Variants in LTBP4 observed in about 807,000 individuals in gnomAD.
The protein encoded by LTBP4 is latent-transforming growth factor beta-binding protein 4.
In LTBP4, 93 loss-of-function variants were observed where a neutral mutation model predicts 180.2. That is an observed-to-expected ratio of 0.52 (90% confidence interval 0.44 to 0.61). The LOEUF is 0.61. LTBP4 is among the 20% of genes least tolerant of loss of function. The pLI, the probability that LTBP4 is intolerant of heterozygous loss-of-function variation, is 0.00. For synonymous variants in LTBP4, 947 were observed against 934.5 expected (o/e 1.01, Z -0.24); for missense variants, 2,116 against 2,256.5 (o/e 0.94, Z 1.26).
intron 29 of LTBP4, among the ~76,000 whole-genome samples, chr19:40,628,952 C>G (rs1184168982): frequency 1.3e-5 from 2 of 151,790 alleles, no homozygotes; most frequent in East Asian, 3.9e-4. Flanking sequence ...CAGGTTCAAG[C>G]GATTCTCCTG....
intron 6 of LTBP4, 86 bp from the exon 7 acceptor site, chr19:40,607,279 C>CCCCCCAACCA: frequency 1.8e-6 from 2 of 1,126,376 alleles, no homozygotes; most frequent in Non-Finnish European, 2.5e-6. Flanking sequence ...CCCCCAACCC[C>CCCCCCAACCA]AGAACCATTC....
intron 27 of LTBP4, among the ~76,000 whole-genome samples, chr19:40,626,702 T>C (rs2081635864): frequency 6.6e-6 from 1 of 152,054 alleles, no homozygotes. Context: ...AACACCCCCA[T>C]CTAATTTCTT....
chr19:40,600,631 C>A (rs557414088), upstream of LTBP4, among the ~76,000 whole-genome samples: 2 of 152,114 alleles, frequency 1.3e-5, no homozygotes, highest in Non-Finnish European at 2.9e-5. This position sits in a 1 kb window ranked among gnomAD's most constrained non-coding sequence, Gnocchi z 4.4. Flanking sequence ...GTCTAGAACA[C>A]CCCTCATCTC....
At position 40,609,452 on chromosome 19, in the gene LTBP4, C is replaced by T; in HGVS notation, c.1427-78C>T. 1.9e-6 allele frequency: 3 copies of T among 1,569,170 alleles called. No homozygotes were observed. The highest frequency in any genetic ancestry group is 1.4e-5 in the African/African-American group (1 of 73,870). On this transcript the variant is annotated intron_variant, in intron 9 of 29. Transcript: ENST00000396819. This position sits in a 1 kb window ranked among gnomAD's most constrained non-coding sequence, Gnocchi z 4.9. ...CATGAAGGTGTTTTATGGATGTCTCCGGGGGTGGGGGTTTTACTGGGATGA... is the reference window on the plus strand; with the variant it reads ...CATGAAGGTGTTTTATGGATGTCTCTGGGGGTGGGGGTTTTACTGGGATGA...
intron 25 of LTBP4, 40 bp from the exon 26 acceptor site, chr19:40,623,896 G>C (rs1248137758): frequency 1.2e-6 from 2 of 1,610,266 alleles, no homozygotes; most frequent in Admixed American, 1.7e-5. Context: ...AAAGGGTGGG[G>C]AGAGTTGAAG....
chr19:40,626,102 C>G, intron 27 of LTBP4, 93 bp downstream of exon 27: 1 of 1,402,060 alleles, frequency 7.1e-7, no homozygotes, highest in Non-Finnish European at 9.5e-7. Flanking sequence ...CCCCCAGACT[C>G]TATCCAAACT....
Position 40,611,498 on chromosome 19 carries a change from G to A in LTBP4, c.2053+104G>A, listed in dbSNP as rs1468360558. 5 of 1,473,346 alleles carry A rather than the reference G, an allele frequency of 3.4e-6. No individual in the cohort carries two copies. Among genetic ancestry groups the A allele is most frequent in the Non-Finnish European group, 4.5e-6 (5 of 1,106,598 alleles). 91.3% of individuals were successfully genotyped at this position (1,473,346 alleles called of 1,614,324 possible). A position where few individuals can be genotyped will look rare whatever the true frequency, so the allele number is the denominator to read the frequency against. On this transcript the variant is annotated intron_variant, in intron 13 of 29. Coordinates refer to ENST00000396819, the MANE Select transcript of LTBP4 (RefSeq NM_001042545.2). This position sits in a 1 kb window ranked among gnomAD's most constrained non-coding sequence, Gnocchi z 4.4. ...CAGAGTGATGGGGCTCAGGGATGGA[G>A]AACAGGGGCTGAGGGATGGGGACCT...
At chr19:40,618,531 G>A (rs1233969924) in intron 21 of LTBP4, among the ~76,000 whole-genome samples, 1 of 152,064 alleles carries the variant, frequency 6.6e-6, no homozygotes, top group East Asian at 1.9e-4. Context: ...AAAGTGCTGG[G>A]ATTATAAGCA....
chr19:40,624,793 T>C (rs189028320), intron 26 of LTBP4, among the ~76,000 whole-genome samples: 1 of 152,248 alleles, frequency 6.6e-6, no homozygotes, highest in African/African-American at 2.4e-5. Flanking sequence ...CTGCCTGTTA[T>C]TATTTATCTG....
At chr19:40,610,382 T>G (rs1185857928) in intron 11 of LTBP4, 150 bp from the exon 12 acceptor site, 3 of 869,506 alleles carry the variant, frequency 3.5e-6, no homozygotes, top group Non-Finnish European at 5.2e-6. Flanking sequence ...CCTCTCTCAC[T>G]GTGCCCCTCT....
At position 40,622,899 on chromosome 19, in the gene LTBP4, G is replaced by T; in HGVS notation, c.3485-51G>T. On this transcript the variant is annotated intron_variant, in intron 23 of 29. Coordinates refer to ENST00000396819, the MANE Select transcript of LTBP4 (RefSeq NM_001042545.2). The surrounding 1 kb of genome is among the most constrained non-coding windows in gnomAD (Gnocchi z 5.1). ...TGACAAGTGGGCACGAGCAGGTCAG[G>T]GCTGGGGCTGGGGCTCTGGTGTCCT... is the stretch of plus-strand genomic sequence containing the variant. The T allele has an allele frequency of 6.3e-7, 1 of 1,579,664 alleles. No individual in the cohort carries two copies. Among genetic ancestry groups the T allele is most frequent in the Non-Finnish European group, 8.7e-7 (1 of 1,154,700 alleles).
At chr19:40,626,479 C>A (rs1423660422) in intron 27 of LTBP4, among the ~76,000 whole-genome samples, 2 of 152,144 alleles carry the variant, frequency 1.3e-5, no homozygotes, top group African/African-American at 4.8e-5. Flanking sequence ...ATCCGGGTGC[C>A]TAAGACCCCA....
At chr19:40,596,768 C>T (rs746523391), upstream of LTBP4, among the ~76,000 whole-genome samples, 2 of 152,106 alleles carry the variant, frequency 1.3e-5, no homozygotes, top group Non-Finnish European at 2.9e-5. Context: ...CCGTGGGGGG[C>T]TTCCAGCTTC....
At chr19:40,597,091 G>A (rs532081214), upstream of LTBP4, 41 of 770,674 alleles carry the variant, frequency 5.3e-5, no homozygotes, top group South Asian at 2.1e-3. Context: ...TGTGATTGGC[G>A]GGAAGTTCGC....
Position 40,622,575 on chromosome 19 carries a change from C to T in LTBP4, c.3392C>T (p.Ala1131Val). The T allele has an allele frequency of 1.9e-6, 3 of 1,613,822 alleles. No homozygotes were observed. The highest frequency in any genetic ancestry group is 1.7e-6 in the Non-Finnish European group (2 of 1,179,864). ...CCGGATGCATGTGACAACATCCTGGCTCGGAATGTGACATGGCAGGAGTGC... is the reference window on the plus strand; with the variant it reads ...CCGGATGCATGTGACAACATCCTGGTTCGGAATGTGACATGGCAGGAGTGC... ...AAPDACDNIL[A>V]RNVTWQECCC... Residue 1131 changes from alanine to valine, a missense_variant, in exon 23 of 30, where the codon GCT becomes GTT. Ala to Val is a moderately conservative substitution (Grantham distance 64). Around this residue, in one of 5 missense-constraint regions of LTBP4, gnomAD observed 278 missense variants for 373.0 expected, o/e 0.75. Transcript: ENST00000396819. This position sits in a 1 kb window ranked among gnomAD's most constrained non-coding sequence, Gnocchi z 5.1.
chr19:40,629,256 C>A lies in LTBP4; in HGVS notation c.4520-140C>A, dbSNP rs1035141793. On this transcript the variant is annotated intron_variant, in intron 29 of 29. Transcript: ENST00000396819. The surrounding 1 kb of genome is among the most constrained non-coding windows in gnomAD (Gnocchi z 4.5). ...GTTAAGCCACCTGGCCGGGCTCACACAGTTAGCAGATGGCAGAGGCCAGAT... is the reference window on the plus strand; with the variant it reads ...GTTAAGCCACCTGGCCGGGCTCACAAAGTTAGCAGATGGCAGAGGCCAGAT... The A allele has an allele frequency of 1.8e-6, 2 of 1,086,958 alleles. No homozygotes were observed. The highest frequency in any genetic ancestry group is 3.8e-5 in the Admixed American group (2 of 52,838). The allele number at this position is 1,086,958 out of a possible 1,614,324, so 67.3% of individuals were successfully genotyped here.
At chr19:40,617,320 C>A in intron 21 of LTBP4, 95 bp downstream of exon 21, 1 of 1,456,378 alleles carries the variant, frequency 6.9e-7, no homozygotes. Flanking sequence ...TGGGAATTTT[C>A]GGGTTGTGGA....
At position 40,607,360 on chromosome 19, in the gene LTBP4, C is replaced by T; in HGVS notation, c.992-5C>T. The stretch of plus-strand genomic sequence containing the variant: ...CCTGAAGGATTTCCTCCCTGCTCCT[C>T]GCAGCCCAACACGTGATCTCAGAGG... On this transcript the variant is annotated splice_region_variant and splice_polypyrimidine_tract_variant and intron_variant, in intron 6 of 29. Transcript: ENST00000396819. 1 of 1,608,262 alleles carries T rather than the reference C, an allele frequency of 6.2e-7. No homozygotes were observed. The highest frequency in any genetic ancestry group is 8.5e-7 in the Non-Finnish European group (1 of 1,177,086).
Position 40,605,821 on chromosome 19 carries a change from C to T in LTBP4, c.783C>T (p.Ser261=), listed in dbSNP as rs1400738911. Reference sequence around the variant, plus strand: ...GCGTTCACGACTGTCAGCTGTGCTCCGAGCGCCTGGGTAAGCCCCAGGACG... The same window carrying T: ...GCGTTCACGACTGTCAGCTGTGCTCTGAGCGCCTGGGTAAGCCCCAGGACG... ...AWGVHDCQLC[S]ERLGNSERVS... Residue 261 remains serine, a synonymous_variant, in exon 4 of 30, where the codon TCC becomes TCT. Coordinates refer to ENST00000396819, the MANE Select transcript of LTBP4 (RefSeq NM_001042545.2). This position sits in a 1 kb window ranked among gnomAD's most constrained non-coding sequence, Gnocchi z 5.5. 1.3e-6 allele frequency: 2 copies of T among 1,538,064 alleles called. No homozygotes were observed. The highest frequency in any genetic ancestry group is 1.4e-5 in the African/African-American group (1 of 72,992).
Sources: allele counts gnomAD v4.1 joint callset (sites outside exome capture counted in the v4.1 genomes callset), GRCh38; gene constraint gnomAD v4.1.1; regional missense constraint gnomAD v4.1.1; non-coding constraint Gnocchi (gnomAD v3.1); transcripts MANE v1.5; gene names NCBI Gene and HGNC (gene_info 2026-07-23, HGNC 2026-07-21).